Variants in RP1 observed in about 807,000 individuals in gnomAD.
RP1 encodes oxygen-regulated protein 1.
Under a neutral mutation model 14.8 loss-of-function variants are expected in RP1, and 16 were observed. The ratio of observed to expected loss-of-function variants is 1.08; its 90% CI spans 0.73 to 1.65. The LOEUF is 1.65. RP1 is among the 40% of genes most tolerant of loss of function. The pLI, the probability that RP1 is intolerant of heterozygous loss-of-function variation, is 0.00. For missense variants in RP1, 2,631 were observed against 2,535.0 expected (o/e 1.04, Z -0.81); for synonymous variants, 876 against 883.6 (o/e 0.99, Z 0.15).
chr8:54,775,655 C>A (rs1228918566), intron 23 of RP1, among the ~76,000 whole-genome samples: 2 of 152,158 alleles, frequency 1.3e-5, no homozygotes, highest in Non-Finnish European at 2.9e-5. Flanking sequence ...CCCTGCTAAG[C>A]CTGGTCCAAA....
At chr8:54,747,110 A>G in intron 19 of RP1, among the ~76,000 whole-genome samples, 1 of 152,018 alleles carries the variant, frequency 6.6e-6, no homozygotes, top group East Asian at 1.9e-4. Flanking sequence ...CTTCACTCCA[A>G]GTTGCATTTT....
At chr8:54,588,839 T>C (rs1804987200) in intron 1 of RP1, among the ~76,000 whole-genome samples, 1 of 152,244 alleles carries the variant, frequency 6.6e-6, no homozygotes, top group Non-Finnish European at 1.5e-5. Flanking sequence ...CAAACATTTC[T>C]AGAATATCTA....
At chr8:54,604,379 G>C (rs539414200) in intron 1 of RP1, among the ~76,000 whole-genome samples, 1 of 152,248 alleles carries the variant, frequency 6.6e-6, no homozygotes, top group African/African-American at 2.4e-5. Context: ...TGCATCCCAG[G>C]GATGAAGCCC....
At chr8:54,647,806 T>C (rs1325085768) in intron 3 of RP1, among the ~76,000 whole-genome samples, 1 of 152,120 alleles carries the variant, frequency 6.6e-6, no homozygotes, top group East Asian at 1.9e-4. Flanking sequence ...TTCTTCCACC[T>C]CAGCCTTCCA....
chr8:54,824,678 T>C (rs905022282), intron 24 of RP1, among the ~76,000 whole-genome samples: 2 of 152,124 alleles, frequency 1.3e-5, no homozygotes, highest in Non-Finnish European at 2.9e-5. Flanking sequence ...TATTACCAAA[T>C]AGAATTCAGC....
intron 24 of RP1, among the ~76,000 whole-genome samples, chr8:54,784,376 A>G (rs1209771547): frequency 2.0e-5 from 3 of 152,178 alleles, no homozygotes; most frequent in African/African-American, 4.8e-5. Flanking sequence ...TATTACATAC[A>G]ATATGGCCAT....
intron 3 of RP1, among the ~76,000 whole-genome samples, chr8:54,646,110 T>C (rs1007854959): frequency 1.2e-4 from 19 of 152,228 alleles, no homozygotes; most frequent in African/African-American, 4.6e-4. Flanking sequence ...TTTTCTCCCA[T>C]AGCATTTCTG....
intron 23 of RP1, chr8:54,780,959 T>C (rs1810171873): frequency 1.0e-6 from 1 of 984,380 alleles, no homozygotes; most frequent in South Asian, 4.7e-5. Context: ...TGTTAGACTT[T>C]ACTTCATTGT....
chr8:54,853,518 C>G (rs1035387287), intron 26 of RP1, among the ~76,000 whole-genome samples: 6 of 152,120 alleles, frequency 3.9e-5, no homozygotes, highest in African/African-American at 9.7e-5. Context: ...GTCTTATGGC[C>G]GTGCACAGAT....
At chr8:54,787,346 C>T (rs1201055161) in intron 24 of RP1, among the ~76,000 whole-genome samples, 1 of 152,086 alleles carries the variant, frequency 6.6e-6, no homozygotes, top group African/African-American at 2.4e-5. Flanking sequence ...ACCCTTGAAT[C>T]TGTTTATTGC....
At chr8:54,645,850 T>A (rs1244450824) in intron 3 of RP1, among the ~76,000 whole-genome samples, 1 of 152,194 alleles carries the variant, frequency 6.6e-6, no homozygotes, top group Non-Finnish European at 1.5e-5. Context: ...TTGTTTTTTT[T>A]AGAGGATATA....
chr8:54,586,218 C>A (rs1341921791), intron 1 of RP1, among the ~76,000 whole-genome samples: 1 of 152,184 alleles, frequency 6.6e-6, no homozygotes, highest in African/African-American at 2.4e-5. Flanking sequence ...TTCTAACAGT[C>A]AGGACCCTCA....
chr8:54,706,523 C>T, exon 15 of RP1: 1 of 1,535,920 alleles, frequency 6.5e-7, no homozygotes, highest in East Asian at 2.4e-5. Context: ...ATGGAAGCTG[C>T]ACTGGAGTGG....
At chr8:54,867,142 G>T (rs1038049827) in intron 28 of RP1, among the ~76,000 whole-genome samples, 1 of 152,140 alleles carries the variant, frequency 6.6e-6, no homozygotes, top group Non-Finnish European at 1.5e-5. Flanking sequence ...ATTCCCTAAA[G>T]TGAGGGACAC....
chr8:54,613,782 T>C (rs1470054301), upstream of RP1, among the ~76,000 whole-genome samples: 1 of 152,052 alleles, frequency 6.6e-6, no homozygotes, highest in East Asian at 1.9e-4. Context: ...AAACAATATA[T>C]GCAAAAATCT....
At position 54,857,762 on chromosome 8, in the gene RP1, G is replaced by A. The variant is rs140643729; in HGVS notation, c.4069+656G>A. ...CCTTATCCCACACTCTTCAGCAAAC[G>A]CGCTGCTTGAACACCATCCCTGATC... On this transcript the variant is annotated intron_variant, in intron 27 of 28. Transcript: ENST00000637698. 5.4e-4 allele frequency among the ~76,000 whole-genome samples: 82 copies of A among 152,078 alleles called. No individual in the cohort carries two copies. The East Asian group carries it at 0.012, about 23-fold the overall frequency.
intron 1 of RP1, among the ~76,000 whole-genome samples, chr8:54,577,463 AG>A (rs1314694314): frequency 1.3e-5 from 2 of 152,262 alleles, no homozygotes; most frequent in Non-Finnish European, 2.9e-5. Flanking sequence ...TGCTAAAAAA[AG>A]AATATGCCTT....
chr8:54,868,579 T>C (rs1241997003), intron 28 of RP1, among the ~76,000 whole-genome samples: 1 of 152,224 alleles, frequency 6.6e-6, no homozygotes, highest in African/African-American at 2.4e-5. Context: ...GGCTCTTGGT[T>C]CCTTGGCCCT....
intron 1 of RP1, among the ~76,000 whole-genome samples, chr8:54,576,105 A>G (rs1464611980): frequency 6.6e-6 from 1 of 151,188 alleles, no homozygotes; most frequent in African/African-American, 2.4e-5. Flanking sequence ...CAGTGGCGCA[A>G]TCTCGGCTCA....
Sources: gnomAD v4.1 joint callset for allele counts (sites outside exome capture counted in the v4.1 genomes callset) on GRCh38, gnomAD v4.1.1 for gene constraint, MANE v1.5 for transcripts, NCBI Gene and HGNC (gene_info 2026-07-23, HGNC 2026-07-21) for gene names.